ZNF726: variants seen among roughly 807,000 people sequenced by gnomAD.
ZNF726 encodes zinc finger protein 726.
ZNF726 carries 15 observed loss-of-function variants against 11.6 expected under a neutral mutation model. That is an observed-to-expected ratio of 1.29 (90% CI 0.86 to 1.99). The LOEUF (loss-of-function observed/expected upper bound fraction) is 1.99. Among genes scored for constraint, ZNF726 ranks in the 30% most tolerant of loss-of-function variants. The pLI is 0.00. For synonymous variants in ZNF726, 295 were observed against 243.6 expected, an observed-to-expected ratio of 1.21 and a Z score of -1.96; for missense variants, 890 against 725.6, an observed-to-expected ratio of 1.23 and a Z score of -2.60.
chr19:23,937,604 G>A (rs1005044272), downstream of ZNF726, among the ~76,000 whole-genome samples: 8 of 150,460 alleles, frequency 5.3e-5, no homozygotes, highest in East Asian at 5.9e-4. Context: ...GGGAAGAGGC[G>A]CTCCTCACTT....
intron 3 of ZNF726, among the ~76,000 whole-genome samples, chr19:23,924,883 C>A (rs1323842355): frequency 2.1e-5 from 3 of 142,468 alleles, no homozygotes; most frequent in Non-Finnish European, 3.1e-5. Flanking sequence ...CAGATTGAGA[C>A]CTTGTCTTAA....
Position 23,933,197 on chromosome 19 carries a change from A to G in ZNF726, c.1081A>G (p.Ile361Val), listed in dbSNP as rs748204478. ...ATTCGGACACCTTACTACACATAGG[A>G]TAATTCATACTGGAGAGAAACCCTA... Reference protein sequence around the residue: ...SQFGHLTTHRIIHTGEKPYKC... With the variant: ...SQFGHLTTHRVIHTGEKPYKC... Residue 361 changes from isoleucine (I) to valine (V), a missense_variant, in exon 4 of 4, where the codon ATA (isoleucine) becomes GTA (valine). Coordinates refer to ENST00000594466, the MANE Select transcript of ZNF726 (RefSeq NM_001244038.2). 2.5e-6 allele frequency: 4 copies of G among 1,601,876 alleles called. No individual in the cohort carries two copies. Among genetic ancestry groups the G allele is most frequent in the African/African-American group, 1.3e-5 (1 of 74,386 alleles).
rs974289065 is a variant in ZNF726, at chr19:23,919,265, T to G, written c.4-108T>G. Reference sequence around the variant, plus strand: ...TTTTATTGGATAATTTCAGTCCCTCTTATAAGTTAGAATCAATTCTATTCA... The same window carrying G: ...TTTTATTGGATAATTTCAGTCCCTCGTATAAGTTAGAATCAATTCTATTCA... On this transcript the variant is annotated intron_variant, in intron 1 of 3. Coordinates refer to ENST00000594466, the MANE Select transcript of ZNF726 (RefSeq NM_001244038.2). The G allele has an allele frequency of 1.2e-5, 18 of 1,518,008 alleles. No individual in the cohort carries two copies. The South Asian group carries it at 1.9e-4, about 16-fold the overall frequency. 94.0% of individuals were successfully genotyped at this position (1,518,008 alleles called of 1,614,324 possible).
chr19:23,942,624 T>C (rs1317671808), intron 3 of ZNF726, among the ~76,000 whole-genome samples: 1 of 152,220 alleles, frequency 6.6e-6, no homozygotes, highest in Non-Finnish European at 1.5e-5. Flanking sequence ...ATAATTGTTT[T>C]ATAAATTTTG....
At chr19:23,937,182 G>T (rs1206174243), downstream of ZNF726, among the ~76,000 whole-genome samples, 5 of 150,564 alleles carry the variant, frequency 3.3e-5, no homozygotes, top group East Asian at 6.0e-4. Context: ...TGGCCGGGTG[G>T]GTGGCTGACC....
chr19:23,916,914 C>G (rs1967714943), intron 1 of ZNF726, among the ~76,000 whole-genome samples: 1 of 151,736 alleles, frequency 6.6e-6, no homozygotes, highest in Non-Finnish European at 1.5e-5. Flanking sequence ...CATATCTGTA[C>G]CTTGAAAGGA....
intron 3 of ZNF726, among the ~76,000 whole-genome samples, chr19:23,927,284 T>G (rs147656170): frequency 6.6e-6 from 1 of 152,220 alleles, no homozygotes; most frequent in African/African-American, 2.4e-5. Flanking sequence ...TTATATTAAA[T>G]ATGTCTACCA....
At chr19:23,921,786 A>G (rs1186551980) in intron 3 of ZNF726, among the ~76,000 whole-genome samples, 2 of 152,198 alleles carry the variant, frequency 1.3e-5, no homozygotes, top group Non-Finnish European at 2.9e-5. Context: ...GTACTTTTTT[A>G]TATGTAAGAT....
intron 3 of ZNF726, among the ~76,000 whole-genome samples, chr19:23,931,250 G>T (rs1206018950): frequency 6.6e-6 from 1 of 152,206 alleles, no homozygotes; most frequent in Admixed American, 6.5e-5. Flanking sequence ...GGGATTACAG[G>T]CATGAGCCAC....
chr19:23,936,077 C>T (rs1396861085), downstream of ZNF726: 2 of 151,976 alleles, frequency 1.3e-5, no homozygotes, highest in African/African-American at 4.8e-5. Context: ...TGAAGAAAAC[C>T]CTGCAAATGT....
chr19:23,936,726 A>G (rs940076616), downstream of ZNF726, among the ~76,000 whole-genome samples: 9 of 150,794 alleles, frequency 6.0e-5, no homozygotes, highest in Non-Finnish European at 1.2e-4. Context: ...TTTTCATGGC[A>G]GTTTGATTTT....
chr19:23,921,554 CTA>C (rs1967852450), intron 3 of ZNF726: 1 of 152,100 alleles, frequency 6.6e-6, no homozygotes, highest in Non-Finnish European at 1.5e-5. Flanking sequence ...TGTGTCCTCT[CTA>C]ATTTTTTTAT....
intron 1 of ZNF726, among the ~76,000 whole-genome samples, chr19:23,916,798 A>T (rs574596455): frequency 6.6e-6 from 1 of 151,992 alleles, no homozygotes; most frequent in East Asian, 1.9e-4. Flanking sequence ...TTTTTGGGTC[A>T]AGATTTTTTT....
intron 3 of ZNF726, among the ~76,000 whole-genome samples, chr19:23,921,704 CTTATAA>C (rs1042718089): frequency 3.3e-5 from 5 of 152,022 alleles, no homozygotes; most frequent in Admixed American, 3.3e-4. Context: ...GGAATGATAA[CTTATAA>C]TTGTATGTTA....
At chr19:23,934,963 A>G (rs561574495), downstream of ZNF726, among the ~76,000 whole-genome samples, 4 of 152,362 alleles carry the variant, frequency 2.6e-5, no homozygotes, top group South Asian at 8.3e-4. Context: ...TCCCTTTAAC[A>G]GAGGCCAAGA....
At chr19:23,927,838 A>G (rs1025517109) in intron 3 of ZNF726, 7 of 152,212 alleles carry the variant, frequency 4.6e-5, no homozygotes, top group Non-Finnish European at 1.0e-4. Context: ...CACCAGCTGC[A>G]AATAAGAATA....
chr19:23,918,861 T>C (rs1376503909), intron 1 of ZNF726, among the ~76,000 whole-genome samples: 1 of 152,188 alleles, frequency 6.6e-6, no homozygotes, highest in Non-Finnish European at 1.5e-5. Context: ...AAATAGTCTT[T>C]TGGGGCCAAA....
Position 23,933,248 on chromosome 19 carries a change from T to C in ZNF726, c.1132T>C (p.Phe378Leu), listed in dbSNP as rs1464314581. The change falls in exon 4 of 4, where the codon TTT (phenylalanine) becomes CTT (leucine). Residue 378 changes from phenylalanine (F) to leucine (L), a missense_variant. Coordinates refer to ENST00000594466, the MANE Select transcript of ZNF726 (RefSeq NM_001244038.2). ...PYKCEECGKAFIWPSTLTKHK... is the reference protein window; with the variant it reads ...PYKCEECGKALIWPSTLTKHK... The stretch of plus-strand genomic sequence containing the variant: ...CAAATGTGAAGAATGTGGCAAAGCA[T>C]TTATATGGCCCTCAACCCTAACTAA... 1 of 1,613,124 alleles carries C rather than the reference T, an allele frequency of 6.2e-7. No homozygotes were observed. Among genetic ancestry groups the C allele is most frequent in the African/African-American group, 1.3e-5 (1 of 74,608 alleles).
intron 3 of ZNF726, among the ~76,000 whole-genome samples, chr19:23,940,605 A>G (rs924133637): frequency 2.6e-5 from 4 of 152,140 alleles, no homozygotes; most frequent in Admixed American, 6.5e-5. Context: ...CACAAATTTA[A>G]TTCTATCCTT....
Sources: gnomAD v4.1 joint callset for allele counts (sites outside exome capture counted in the v4.1 genomes callset) on GRCh38, gnomAD v4.1.1 for gene constraint, MANE v1.5 for transcripts, NCBI Gene and HGNC (gene_info 2026-07-23, HGNC 2026-07-21) for gene names.